PABPN1: variants seen among roughly 807,000 people sequenced by gnomAD.
PABPN1 encodes polyadenylate-binding protein 2.
A neutral mutation model predicts 33.4 loss-of-function variants in PABPN1; 5 were observed. The ratio of observed to expected loss-of-function variants is 0.15; its 90% confidence interval spans 0.08 to 0.32. The LOEUF (loss-of-function observed/expected upper bound fraction) is 0.32, where lower values mean the gene tolerates loss of function less well. PABPN1 is among the 10% of genes least tolerant of loss of function. The pLI is 1.00. For synonymous variants in PABPN1, 176 were observed against 170.6 expected (o/e 1.03, Z -0.25); for missense variants, 312 against 425.8 (o/e 0.73, Z 2.35).
At chr14:23,322,548 C>G (rs987856657) in intron 2 of PABPN1, 2 of 531,982 alleles carry the variant, frequency 3.8e-6, no homozygotes, top group African/African-American at 3.8e-5. Flanking sequence ...TAGTCTACGT[C>G]TATCTTTCTT....
intron 1 of PABPN1, 138 bp downstream of exon 1, chr14:23,321,958 G>C (rs1888327942): frequency 1.3e-6 from 1 of 782,612 alleles, no homozygotes; most frequent in Non-Finnish European, 2.0e-6. Context: ...GTCGGGCCGG[G>C]GATGGGTCAG....
intron 6 of PABPN1, chr14:23,324,952 C>CT (rs1888623178): frequency 5.2e-6 from 2 of 384,626 alleles, no homozygotes; most frequent in Non-Finnish European, 9.4e-6. Flanking sequence ...GGTTTAAGAG[C>CT]TGTGGAGGAC....
intron 2 of PABPN1, 95 bp downstream of exon 2, chr14:23,322,390 G>A: frequency 9.4e-7 from 1 of 1,069,046 alleles, no homozygotes; most frequent in Non-Finnish European, 1.4e-6. Flanking sequence ...TCGGCACCCT[G>A]GAGCTGCTTG....
intron 6 of PABPN1, chr14:23,324,514 C>G (rs1368428025): frequency 1.6e-6 from 1 of 622,336 alleles, no homozygotes; most frequent in African/African-American, 1.8e-5. Flanking sequence ...GCATCCCTCC[C>G]TTGGTTCAAA....
intron 2 of PABPN1, 106 bp downstream of exon 2, chr14:23,322,401 T>G: frequency 1.0e-6 from 1 of 966,336 alleles, no homozygotes; most frequent in Non-Finnish European, 1.6e-6. Flanking sequence ...GAGCTGCTTG[T>G]CTGAGCTATT....
chr14:23,324,598 G>A (rs1888596741), intron 6 of PABPN1: 2 of 553,898 alleles, frequency 3.6e-6, no homozygotes, highest in Non-Finnish European at 6.5e-6. Flanking sequence ...AAAACTGGGA[G>A]GAACAGGGCC....
intron 3 of PABPN1, 155 bp from the exon 4 acceptor site, chr14:23,323,222 C>G (rs1290197511): frequency 7.7e-7 from 1 of 1,291,550 alleles, no homozygotes; most frequent in Non-Finnish European, 1.1e-6. Flanking sequence ...CAGTAATCAG[C>G]AAAGGCTCTG....
Position 23,323,947 on chromosome 14 carries a change from A to G in PABPN1, c.642-18A>G, listed in dbSNP as rs762287498. On this transcript the variant is annotated intron_variant, in intron 4 of 6. Coordinates refer to ENST00000216727, the MANE Select transcript of PABPN1 (RefSeq NM_004643.4). ...GGTATTTGTAACCTCAGAGAGATAC[A>G]ATGACAATTCTTTTCAGGTTTGCGT... 6.2e-7 allele frequency: 1 copy of G among 1,613,882 alleles called. No homozygotes were observed. The highest frequency in any genetic ancestry group is 1.1e-5 in the South Asian group (1 of 91,060).
At chr14:23,324,384 C>G (rs1339213641) in intron 6 of PABPN1, 95 bp downstream of exon 6, 2 of 1,322,688 alleles carry the variant, frequency 1.5e-6, no homozygotes, top group Non-Finnish European at 1.0e-6. Context: ...CCCCCCACCC[C>G]TCCCCGTGGT....
At chr14:23,322,773 A>G in intron 2 of PABPN1, 1 of 581,976 alleles carries the variant, frequency 1.7e-6, no homozygotes, top group Non-Finnish European at 3.1e-6. Context: ...AGGGATTCCT[A>G]TACTGTTTTA....
Position 23,321,462 on chromosome 14 carries a change from G to GAGCGGCGAT in PABPN1, c.-7_2dup. ...ATCGCCGGGCGGCGGGCCCCAGTCTGAGCGGCGATGGCGGCGGCGGCGGCG... is the reference window on the plus strand; with the variant it reads ...ATCGCCGGGCGGCGGGCCCCAGTCTGAGCGGCGATAGCGGCGATGGCGGCGGCGGCGGCG... On this transcript the variant is annotated 5_prime_UTR_variant, in exon 1 of 7. Transcript: ENST00000216727. 1 of 1,152,194 alleles carries GAGCGGCGAT rather than the reference G, an allele frequency of 8.7e-7. No individual in the cohort carries two copies. Among genetic ancestry groups the GAGCGGCGAT allele is most frequent in the African/African-American group, 1.6e-5 (1 of 61,346 alleles). 71.4% of individuals were successfully genotyped at this position (1,152,194 alleles called of 1,614,324 possible).
intron 2 of PABPN1, 120 bp from the exon 3 acceptor site, chr14:23,322,879 C>T (rs1888423848): frequency 1.4e-6 from 2 of 1,383,270 alleles, no homozygotes; most frequent in Non-Finnish European, 2.1e-6. Context: ...GGGAACAGCA[C>T]AGACCAAAAT....
intron 6 of PABPN1, 191 bp from the exon 7 acceptor site, chr14:23,325,056 G>GC (rs545628068): frequency 1.1e-5 from 7 of 665,044 alleles, no homozygotes; most frequent in Non-Finnish European, 1.4e-5. Context: ...TTTCTGTTAA[G>GC]CCCCCCTCCC....
In PABPN1 at chr14:23,325,283, C is replaced by T; in HGVS notation, c.918C>T (p.Tyr306=). The T allele has an allele frequency of 1.9e-6, 3 of 1,589,006 alleles. No individual in the cohort carries two copies. The highest frequency in any genetic ancestry group is 2.6e-6 in the Non-Finnish European group (3 of 1,174,100). Residue 306 remains tyrosine, a synonymous_variant, in exon 7 of 7, where the codon TAC becomes TAT. Coordinates refer to ENST00000216727, the MANE Select transcript of PABPN1 (RefSeq NM_004643.4). ...RARATSWYSP[Y] ...GAGCGACATCATGGTATTCCCCTTA[C>T]TAAAAAAAGTGTGTATTAGGAGGAG...
At chr14:23,324,411 T>G in intron 6 of PABPN1, 122 bp downstream of exon 6, 2 of 1,187,074 alleles carry the variant, frequency 1.7e-6, no homozygotes, top group Non-Finnish European at 2.3e-6. Context: ...GAACTTTGTC[T>G]CCTGCCTGTG....
intron 5 of PABPN1, 34 bp downstream of exon 5, chr14:23,324,086 A>G (rs751852798): frequency 6.2e-6 from 10 of 1,614,180 alleles, no homozygotes; most frequent in African/African-American, 1.3e-5. Flanking sequence ...CTAGTTGTGT[A>G]TAAACTCTCC....
In PABPN1 at chr14:23,324,218, C is replaced by T. The variant is rs1888554642; in HGVS notation, c.810C>T (p.Thr270=). The change falls in exon 6 of 7, where the codon ACC becomes ACT. Residue 270 remains threonine, a synonymous_variant. Transcript: ENST00000216727. ...CACGAGCCCGCTACCGCGCCCGGAC[C>T]ACCAACTACAACAGCTCCCGCTCTC... The part of the protein sequence containing the change: ...GFPRARYRAR[T]TNYNSSRSRF... The T allele has an allele frequency of 6.2e-7, 1 of 1,614,192 alleles. No homozygotes were observed. The highest frequency in any genetic ancestry group is 8.5e-7 in the Non-Finnish European group (1 of 1,180,038).
rs1232754729 is a variant in PABPN1 at position 23,322,990 on chromosome 14, T to C, written c.467-9T>C. 4 of 1,614,082 alleles carry C rather than the reference T, an allele frequency of 2.5e-6. No individual in the cohort carries two copies. Among genetic ancestry groups the C allele is most frequent in the Non-Finnish European group, 3.4e-6 (4 of 1,180,044 alleles). On this transcript the variant is annotated splice_polypyrimidine_tract_variant and intron_variant, in intron 2 of 6. Transcript: ENST00000216727. ...GTGGTTTTTGTAAAAAATTATTTTTTCCTGATAGCTGGCCCGGTGATCATG... is the reference window on the plus strand; with the variant it reads ...GTGGTTTTTGTAAAAAATTATTTTTCCCTGATAGCTGGCCCGGTGATCATG...
intron 2 of PABPN1, chr14:23,322,520 T>A: frequency 3.5e-6 from 2 of 572,924 alleles, no homozygotes; most frequent in Non-Finnish European, 6.3e-6. Flanking sequence ...CTGTTATAAT[T>A]GTGTTGCTCT....
Sources: gnomAD v4.1 joint callset for allele counts on GRCh38, gnomAD v4.1.1 for gene constraint, MANE v1.5 for transcripts, NCBI Gene and HGNC (gene_info 2026-07-23, HGNC 2026-07-21) for gene names.